The following ZFHX3 variants were observed in gnomAD, a reference collection of about 807,000 sequenced individuals.
ZFHX3 encodes the protein zinc finger homeobox 3.
In ZFHX3, 42 loss-of-function variants were observed where a neutral mutation model predicts 279.1. That is an observed-to-expected ratio of 0.15 (90% CI 0.12 to 0.19). The LOEUF (loss-of-function observed/expected upper bound fraction) is 0.19, where lower values mean the gene tolerates loss of function less well. Among genes scored for constraint, ZFHX3 ranks in the 10% least tolerant of loss-of-function variants. The pLI, the probability that ZFHX3 is intolerant of heterozygous loss-of-function variation, is 1.00. For missense variants in ZFHX3, 4,981 were observed against 4,754.0 expected (o/e 1.05, Z -1.40); for synonymous variants, 2,293 against 1,957.8 (o/e 1.17, Z -4.52).
chr16:73,103,005 A>G (rs553082503), intron 7 of ZFHX3, among the ~76,000 whole-genome samples: 1 of 151,990 alleles, frequency 6.6e-6, no homozygotes, highest in Admixed American at 6.6e-5. Context: ...GCTCACTGCA[A>G]CCTGCACCTC....
intron 2 of ZFHX3, among the ~76,000 whole-genome samples, chr16:73,532,530 A>T (rs779573569): frequency 6.6e-6 from 1 of 152,198 alleles, no homozygotes; most frequent in African/African-American, 2.4e-5. Context: ...GAAATCAGTC[A>T]TTCATTAGTT....
At chr16:72,887,876 TGC>T (rs2038670504) in intron 4 of ZFHX3, among the ~76,000 whole-genome samples, 2 of 151,926 alleles carry the variant, frequency 1.3e-5, no homozygotes, top group African/African-American at 4.8e-5. Flanking sequence ...TGTATGTGTG[TGC>T]GCGCACGTGC....
At chr16:73,809,047 G>T (rs1960358590) in intron 1 of ZFHX3, among the ~76,000 whole-genome samples, 1 of 152,116 alleles carries the variant, frequency 6.6e-6, no homozygotes, top group Non-Finnish European at 1.5e-5. Context: ...TTTGTAATAA[G>T]CAATAAGTGC....
At chr16:73,051,305 C>T (rs969610608), upstream of ZFHX3, among the ~76,000 whole-genome samples, 3 of 152,138 alleles carry the variant, frequency 2.0e-5, no homozygotes, top group Non-Finnish European at 4.4e-5. Flanking sequence ...AACAAGGAAC[C>T]ATTTGGAGCT....
intron 3 of ZFHX3, among the ~76,000 whole-genome samples, chr16:73,455,469 A>T (rs1309152930): frequency 6.6e-6 from 1 of 152,192 alleles, no homozygotes; most frequent in East Asian, 1.9e-4. Flanking sequence ...GCCTGTCTCA[A>T]CTCAAGAACA....
intron 5 of ZFHX3, among the ~76,000 whole-genome samples, chr16:73,214,987 A>C (rs1324822629): frequency 1.3e-5 from 2 of 152,002 alleles, no homozygotes; most frequent in African/African-American, 4.8e-5. Context: ...AACTGATTAC[A>C]AAGTATGGAA....
intron 5 of ZFHX3, among the ~76,000 whole-genome samples, chr16:73,250,775 C>A (rs1041729897): frequency 6.6e-6 from 1 of 152,164 alleles, no homozygotes; most frequent in Non-Finnish European, 1.5e-5. Context: ...ACCTCATGAT[C>A]CGCCCGCCTC....
At chr16:73,132,644 G>A (rs183270152) in intron 6 of ZFHX3, among the ~76,000 whole-genome samples, 4 of 152,148 alleles carry the variant, frequency 2.6e-5, no homozygotes, top group Admixed American at 6.5e-5. Context: ...ACAGCATCCC[G>A]GCCGTTTCTT....
intron 7 of ZFHX3, among the ~76,000 whole-genome samples, chr16:72,810,378 G>T (rs2036407425): frequency 6.6e-6 from 1 of 152,000 alleles, no homozygotes; most frequent in African/African-American, 2.4e-5. Context: ...TAGAGACAGG[G>T]TTTCGCCATG....
At chr16:73,767,318 T>C (rs1045868490) in intron 1 of ZFHX3, among the ~76,000 whole-genome samples, 1 of 152,174 alleles carries the variant, frequency 6.6e-6, no homozygotes, top group East Asian at 1.9e-4. Flanking sequence ...ATAATAATGC[T>C]TTATCAAGAA....
chr16:72,788,458 G>A lies in ZFHX3; in HGVS notation c.9818C>T (p.Ser3273Leu). 6.2e-7 allele frequency: 1 copy of A among 1,614,262 alleles called. No individual in the cohort carries two copies. The highest frequency in any genetic ancestry group is 2.2e-5 in the East Asian group (1 of 44,882). Reference sequence around the variant, plus strand: ...ATACTCCATGGTGGGCAGCGGGGCTGAGATCGTGGCTGCAGTTGCCGTGGG... The same window carrying A: ...ATACTCCATGGTGGGCAGCGGGGCTAAGATCGTGGCTGCAGTTGCCGTGGG... ...EAPTATAATI[S>L]APLPTMEYAV... Residue 3273 changes from serine (S) to leucine (L), a missense_variant, in exon 10 of 10, where the codon TCA (serine) becomes TTA (leucine). Physicochemically the swap from Ser to Leu is moderately radical, Grantham distance 145. This residue lies in a region of ZFHX3 where 1,034 missense variants were observed against 786.0 expected (regional missense o/e 1.32). Coordinates refer to ENST00000268489, the MANE Select transcript of ZFHX3 (RefSeq NM_006885.4).
chr16:73,458,790 G>C (rs2143576268), intron 2 of ZFHX3, among the ~76,000 whole-genome samples: 1 of 152,202 alleles, frequency 6.6e-6, no homozygotes, highest in South Asian at 2.1e-4. Flanking sequence ...CCGATTGTCT[G>C]CTCTGTAAAC....
intron 1 of ZFHX3, among the ~76,000 whole-genome samples, chr16:73,754,517 G>A (rs934938633): frequency 4.6e-5 from 7 of 151,674 alleles, no homozygotes; most frequent in Non-Finnish European, 8.8e-5. Context: ...TCCTTGGGCC[G>A]ACCTTGCAGC....
intron 3 of ZFHX3, among the ~76,000 whole-genome samples, chr16:73,395,176 T>C (rs538860902): frequency 6.6e-6 from 1 of 152,090 alleles, no homozygotes. Context: ...CAAAAAAGGA[T>C]CATCTGGGCT....
At position 73,606,180 on chromosome 16, in the gene ZFHX3, TAAAAAAAAAAAAAAAA is replaced by T. The variant is rs35080897; in HGVS notation, c.-1547+73984_-1547+73999del. Among the ~76,000 whole-genome samples the T allele has an allele frequency of 2.3e-4, 8 of 35,196 alleles. No homozygotes were observed. The Admixed American group carries it at 2.3e-3, about 10-fold the overall frequency. The allele number at this position is 35,196 out of a possible 152,430, so 23.1% of individuals were successfully genotyped here. A position where few individuals can be genotyped will look rare whatever the true frequency, so the allele number is the denominator to read the frequency against. On this transcript the variant is annotated intron_variant, in intron 2 of 17. Coordinates refer to the ZFHX3 transcript ENST00000641206. ...CTGGGGGATTGAGCTAGGCTCCATC[TAAAAAAAAAAAAAAAA>T]AAAAAAAAAAAAAAAAAAAAATCCA...
At chr16:72,887,950 T>A (rs926955323) in intron 4 of ZFHX3, among the ~76,000 whole-genome samples, 1 of 151,772 alleles carries the variant, frequency 6.6e-6, no homozygotes, top group Non-Finnish European at 1.5e-5. Flanking sequence ...GTGGTTGGGG[T>A]ATGGGTGTAG....
intron 4 of ZFHX3, among the ~76,000 whole-genome samples, chr16:73,302,201 TG>T (rs1268288614): frequency 8.5e-5 from 13 of 152,306 alleles, no homozygotes; most frequent in African/African-American, 2.9e-4. Context: ...ATTTTTCCTC[TG>T]TCTTGGTTCT....
At chr16:73,603,170 A>G (rs1446937895) in intron 2 of ZFHX3, among the ~76,000 whole-genome samples, 1 of 151,576 alleles carries the variant, frequency 6.6e-6, no homozygotes, top group Non-Finnish European at 1.5e-5. Flanking sequence ...CTGTAGTCCC[A>G]GCTACTCAGG....
intron 4 of ZFHX3, among the ~76,000 whole-genome samples, chr16:72,877,692 T>C (rs889600122): frequency 1.2e-4 from 18 of 152,174 alleles, no homozygotes; most frequent in Non-Finnish European, 2.9e-5. Flanking sequence ...AAACTTCTGA[T>C]CCCTGGGCTA....
Sources: gnomAD v4.1 joint callset for allele counts (sites outside exome capture counted in the v4.1 genomes callset) on GRCh38, gnomAD v4.1.1 for gene constraint, gnomAD v4.1.1 regional missense constraint, MANE v1.5 for transcripts, NCBI Gene and HGNC (gene_info 2026-07-23, HGNC 2026-07-21) for gene names.